Variants in RAB40A observed in about 807,000 individuals in gnomAD.
The protein encoded by RAB40A is RAB40A, member RAS oncogene family, also known as ras-related protein Rab-40A.
For missense variants in RAB40A, 145 were observed against 230.2 expected (o/e 0.63, Z 2.40); for synonymous variants, 65 against 99.9 (o/e 0.65, Z 2.08).
At chrX:103,513,962 C>T (rs1380066271) in intron 2 of RAB40A, among the ~76,000 whole-genome samples, 1 of 111,393 alleles carries the variant, frequency 9.0e-6, no homozygotes, top group Non-Finnish European at 1.9e-5. Flanking sequence ...ACCTGGGAAA[C>T]TCTTAAGACT....
chrX:103,493,316 C>T, the RAB40A span, among the ~76,000 whole-genome samples: 5 of 111,159 alleles, frequency 4.5e-5, no homozygotes, highest in African/African-American at 1.6e-4. Flanking sequence ...ACATAATAGG[C>T]ATATATATTT....
At chrX:103,514,061 G>A (rs995205104) in intron 2 of RAB40A, among the ~76,000 whole-genome samples, 2 of 111,484 alleles carry the variant, frequency 1.8e-5, no homozygotes, top group African/African-American at 3.3e-5. Context: ...CTGGAAAAGT[G>A]GTGTGTCTGG....
downstream of RAB40A, among the ~76,000 whole-genome samples, chrX:103,495,415 T>C (rs1192976113): frequency 9.0e-6 from 1 of 111,669 alleles, no homozygotes; most frequent in Non-Finnish European, 1.9e-5. Flanking sequence ...TTCTCTTGTC[T>C]GATTGCTGTA....
intron 2 of RAB40A, among the ~76,000 whole-genome samples, chrX:103,511,901 C>T (rs2073292477): frequency 9.0e-6 from 1 of 111,414 alleles, no homozygotes; most frequent in South Asian, 3.8e-4. Flanking sequence ...TTAGGGTGAG[C>T]TCTAATCCAA....
intron 2 of RAB40A, among the ~76,000 whole-genome samples, chrX:103,503,950 CAT>C (rs750177202): frequency 1.8e-5 from 2 of 111,889 alleles, no homozygotes; most frequent in African/African-American, 3.3e-5. Context: ...AATTAATAAA[CAT>C]GTGCACAGTA....
Position 103,500,656 on chromosome X carries a change from A to C in RAB40A, c.101T>G (p.Leu34Arg), listed in dbSNP as rs2073221272. ...DVGKSEILES[L>R]QDGAAESPYS... ...CGGGGACTCAGCTGCACCATCCTGCAGGCTCTCCAGGATCTCACTCTTGCC... is the reference window on the plus strand; with the variant it reads ...CGGGGACTCAGCTGCACCATCCTGCCGGCTCTCCAGGATCTCACTCTTGCC... Residue 34 changes from leucine to arginine, a missense_variant, in exon 3 of 3, where the codon CTG becomes CGG. Transcript: ENST00000304236. 1.7e-6 allele frequency: 2 copies of C among 1,209,671 alleles called. No individual in the cohort carries two copies. Among genetic ancestry groups the C allele is most frequent in the East Asian group, 5.9e-5 (2 of 33,765 alleles).
downstream of RAB40A, among the ~76,000 whole-genome samples, chrX:103,496,875 G>A (rs914051255): frequency 2.7e-5 from 3 of 112,029 alleles, no homozygotes; most frequent in Non-Finnish European, 3.8e-5. Flanking sequence ...TTGTCATTGC[G>A]GGGGAAGCTT....
At chrX:103,508,877 T>C (rs1269742614) in intron 2 of RAB40A, among the ~76,000 whole-genome samples, 1 of 111,602 alleles carries the variant, frequency 9.0e-6, no homozygotes, top group Non-Finnish European at 1.9e-5. Flanking sequence ...TGTGTGTAGA[T>C]ATATAGATAT....
At chrX:103,519,232 GAATGTAC>G (rs1209745693) in intron 1 of RAB40A, 131 bp downstream of exon 1, 1 of 111,896 alleles carries the variant, frequency 8.9e-6, no homozygotes, top group African/African-American at 3.2e-5. Flanking sequence ...TACATGTGGA[GAATGTAC>G]AGGTTTGTTA....
chrX:103,505,384 C>T (rs2073249397), intron 2 of RAB40A, among the ~76,000 whole-genome samples: 1 of 111,833 alleles, frequency 8.9e-6, no homozygotes, highest in African/African-American at 3.2e-5. Flanking sequence ...ATTGCTGGCT[C>T]ATAGGTATGC....
At chrX:103,501,798 GA>G (rs1181798483) in intron 2 of RAB40A, 1 of 121,701 alleles carries the variant, frequency 8.2e-6, no homozygotes, top group Non-Finnish European at 1.9e-5. Context: ...TTTAAATGTA[GA>G]AAAAAACCGA....
chrX:103,513,919 G>C (rs113735781), intron 2 of RAB40A, among the ~76,000 whole-genome samples: 7 of 109,004 alleles, frequency 6.4e-5, no homozygotes, highest in Admixed American at 9.7e-5. Flanking sequence ...CACACACACA[G>C]ACACATTGCA....
chrX:103,516,704 A>G (rs747536811), intron 2 of RAB40A, among the ~76,000 whole-genome samples: 1 of 111,619 alleles, frequency 9.0e-6, no homozygotes, highest in South Asian at 3.8e-4. Context: ...ATTAAAATTA[A>G]CATGGTACTA....
downstream of RAB40A, among the ~76,000 whole-genome samples, chrX:103,495,002 G>A (rs1006733447): frequency 3.6e-5 from 4 of 111,881 alleles, no homozygotes; most frequent in Non-Finnish European, 5.6e-5. Flanking sequence ...ATTGCTTTGA[G>A]TAGAATGGAC....
At chrX:103,515,729 A>C (rs767500875) in intron 2 of RAB40A, among the ~76,000 whole-genome samples, 1 of 111,990 alleles carries the variant, frequency 8.9e-6, no homozygotes, top group African/African-American at 3.2e-5. Flanking sequence ...AACCTCCTAC[A>C]TAATATAGAT....
At chrX:103,507,491 C>T (rs1330499385) in intron 2 of RAB40A, among the ~76,000 whole-genome samples, 1 of 108,806 alleles carries the variant, frequency 9.2e-6, no homozygotes, top group Non-Finnish European at 1.9e-5. Flanking sequence ...AAGGAAAAAA[C>T]ATTAAAAAAC....
At chrX:103,519,133 T>C (rs984287980) in intron 1 of RAB40A, among the ~76,000 whole-genome samples, 1 of 111,628 alleles carries the variant, frequency 9.0e-6, no homozygotes, top group Non-Finnish European at 1.9e-5. Flanking sequence ...TATGAAGTAC[T>C]TCTGACCAAA....
At chrX:103,501,681 C>T (rs1422476703) in intron 2 of RAB40A, 1 of 123,128 alleles carries the variant, frequency 8.1e-6, no homozygotes, top group South Asian at 3.7e-4. Context: ...GGTGAAGAAA[C>T]GCAAATGGCC....
chrX:103,495,906 A>G (rs149842213), downstream of RAB40A, among the ~76,000 whole-genome samples: 10 of 112,208 alleles, frequency 8.9e-5, no homozygotes, highest in Non-Finnish European at 1.5e-4. Flanking sequence ...CATAAGCTTG[A>G]TTTCATGAGA....
Sources: gnomAD v4.1 joint callset for allele counts (sites outside exome capture counted in the v4.1 genomes callset) on GRCh38, gnomAD v4.1.1 for gene constraint, MANE v1.5 for transcripts, NCBI Gene and HGNC (gene_info 2026-07-23, HGNC 2026-07-21) for gene names.